NCAM2: variants seen among roughly 807,000 people sequenced by gnomAD.
NCAM2 encodes the protein neural cell adhesion molecule 2.
A neutral mutation model predicts 98.1 loss-of-function variants in NCAM2; 30 were observed. The ratio of observed to expected loss-of-function variants is 0.31; its 90% CI spans 0.23 to 0.41. NCAM2 has a LOEUF of 0.41. NCAM2 is among the 10% of genes least tolerant of loss of function. The pLI is 1.00. For synonymous variants in NCAM2, 368 were observed against 342.4 expected, an observed-to-expected ratio of 1.07 and a Z score of -0.83; for missense variants, 867 against 1,005.8, an observed-to-expected ratio of 0.86 and a Z score of 1.87.
intron 15 of NCAM2, among the ~76,000 whole-genome samples, chr21:21,508,406 AGAT>A (rs1007000858): frequency 6.6e-6 from 1 of 152,100 alleles, no homozygotes; most frequent in African/African-American, 2.4e-5. Flanking sequence ...CTCATATAGA[AGAT>A]TTATTTAACA....
At chr21:21,118,971 T>C (rs2066618557) in intron 1 of NCAM2, among the ~76,000 whole-genome samples, 1 of 152,200 alleles carries the variant, frequency 6.6e-6, no homozygotes, top group Non-Finnish European at 1.5e-5. Context: ...AGCACGAATG[T>C]AAATATATCT....
chr21:21,145,129 T>C (rs2067245171), intron 1 of NCAM2, among the ~76,000 whole-genome samples: 1 of 152,076 alleles, frequency 6.6e-6, no homozygotes, highest in Admixed American at 6.5e-5. Context: ...CTCCACCAAA[T>C]TTTTCATGGT....
At chr21:21,193,745 C>T (rs565707082) in intron 1 of NCAM2, among the ~76,000 whole-genome samples, 17 of 152,148 alleles carry the variant, frequency 1.1e-4, no homozygotes, top group African/African-American at 2.2e-4. Flanking sequence ...CCGCCCACCT[C>T]GGCCTCCCAA....
At chr21:21,383,079 C>G (rs2076193771) in intron 9 of NCAM2, among the ~76,000 whole-genome samples, 1 of 152,140 alleles carries the variant, frequency 6.6e-6, no homozygotes. Context: ...TGTTCCTTTA[C>G]AATTCACCTC....
intron 9 of NCAM2, chr21:21,385,785 A>G (rs905928407): frequency 2.9e-5 from 11 of 376,384 alleles, no homozygotes; most frequent in Non-Finnish European, 4.0e-5. Flanking sequence ...CAATTAGAAT[A>G]TCATTAAGTT....
chr21:21,514,987 C>A (rs773798605), intron 16 of NCAM2, among the ~76,000 whole-genome samples: 2 of 151,958 alleles, frequency 1.3e-5, no homozygotes, highest in Non-Finnish European at 2.9e-5. Flanking sequence ...ACTCACATAT[C>A]CATTTAAAAA....
chr21:21,382,744 C>G (rs2076185408), intron 9 of NCAM2, among the ~76,000 whole-genome samples: 1 of 151,886 alleles, frequency 6.6e-6, no homozygotes, highest in African/African-American at 2.4e-5. Flanking sequence ...GTTGGCCAAG[C>G]TGGTCTCAGA....
At chr21:21,371,150 A>G (rs2075905951) in intron 8 of NCAM2, among the ~76,000 whole-genome samples, 1 of 151,856 alleles carries the variant, frequency 6.6e-6, no homozygotes, top group African/African-American at 2.4e-5. Flanking sequence ...TGCTAATAGT[A>G]AAGAGAAGAA....
At chr21:21,300,328 T>C (rs1031612350) in intron 5 of NCAM2, among the ~76,000 whole-genome samples, 2 of 152,126 alleles carry the variant, frequency 1.3e-5, no homozygotes, top group African/African-American at 4.8e-5. Flanking sequence ...GACTCTCAGG[T>C]AGAGTTCTTT....
intron 1 of NCAM2, among the ~76,000 whole-genome samples, chr21:21,074,389 T>C (rs8132008): frequency 0.037 from 5,624 of 152,202 alleles, 318 homozygotes; most frequent in African/African-American, 0.13. Context: ...TTAATTTATT[T>C]TACATTTACT....
chr21:21,430,881 A>G (rs1173509071), intron 11 of NCAM2, among the ~76,000 whole-genome samples: 8 of 151,742 alleles, frequency 5.3e-5, no homozygotes. Context: ...CCCTATCTCT[A>G]CTAAAAATAC....
intron 9 of NCAM2, among the ~76,000 whole-genome samples, chr21:21,391,805 G>T (rs1006478191): frequency 3.3e-4 from 11 of 33,758 alleles, no homozygotes; most frequent in African/African-American, 1.4e-3. Flanking sequence ...AACATTGCTG[G>T]TTAGGTACAA....
intron 7 of NCAM2, 29 bp from the exon 8 acceptor site, chr21:21,338,360 C>A: frequency 6.3e-7 from 1 of 1,589,246 alleles, no homozygotes; most frequent in Admixed American, 1.7e-5. Context: ...CCTCCAATAC[C>A]GGTTGAGTAA....
chr21:21,296,166 C>T (rs186530866), intron 5 of NCAM2, among the ~76,000 whole-genome samples: 6 of 151,940 alleles, frequency 3.9e-5, no homozygotes, highest in Admixed American at 2.0e-4. Flanking sequence ...TGTAGCTCAA[C>T]AATCTGTAAG....
chr21:21,240,037 C>G (rs1040256353), intron 1 of NCAM2, among the ~76,000 whole-genome samples: 1 of 152,038 alleles, frequency 6.6e-6, no homozygotes, highest in Non-Finnish European at 1.5e-5. Flanking sequence ...CAATATGACA[C>G]CATCATCTAC....
chr21:21,285,534 T>C (rs550737536), intron 3 of NCAM2, among the ~76,000 whole-genome samples: 5 of 151,956 alleles, frequency 3.3e-5, no homozygotes, highest in South Asian at 4.1e-4. Flanking sequence ...TTTATAGATA[T>C]AATGTTTGGA....
chr21:21,080,656 C>CA (rs1340023403), intron 1 of NCAM2, among the ~76,000 whole-genome samples: 999 of 53,084 alleles, frequency 0.019, 14 homozygotes, highest in East Asian at 0.055. Flanking sequence ...GATAAGATCT[C>CA]AAAAAAAAAA....
intron 1 of NCAM2, among the ~76,000 whole-genome samples, chr21:21,103,844 T>C (rs969314798): frequency 6.6e-6 from 1 of 152,116 alleles, no homozygotes; most frequent in African/African-American, 2.4e-5. Context: ...TAATGACTTA[T>C]TTATTATCGA....
At chr21:21,305,366 A>G (rs763478021) in intron 5 of NCAM2, among the ~76,000 whole-genome samples, 4 of 152,060 alleles carry the variant, frequency 2.6e-5, no homozygotes, top group Non-Finnish European at 4.4e-5. Flanking sequence ...CTATGAATAA[A>G]GACACTTTTA....
Sources: gnomAD v4.1 joint callset for allele counts (sites outside exome capture counted in the v4.1 genomes callset) on GRCh38, gnomAD v4.1.1 for gene constraint, MANE v1.5 for transcripts, NCBI Gene and HGNC (gene_info 2026-07-23, HGNC 2026-07-21) for gene names.